Variants in LRRC37A2 observed in about 807,000 individuals in gnomAD.
LRRC37A2 encodes leucine-rich repeat-containing protein 37A2.
LRRC37A2 carries 9 observed loss-of-function variants against 68.8 expected under a neutral mutation model. The ratio of observed to expected loss-of-function variants is 0.13; its 90% CI spans 0.08 to 0.23. The LOEUF (loss-of-function observed/expected upper bound fraction) is 0.23, where lower values mean the gene tolerates loss of function less well. LRRC37A2 is among the 10% of genes least tolerant of loss of function. The pLI, the probability that LRRC37A2 is intolerant of heterozygous loss-of-function variation, is 1.00. For synonymous variants in LRRC37A2, 63 were observed against 367.6 expected (o/e 0.17, Z 9.48); for missense variants, 168 against 950.4 (o/e 0.18, Z 10.82).
chr17:46,712,885 G>T, the LRRC37A2 span, among the ~76,000 whole-genome samples: 2 of 152,122 alleles, frequency 1.3e-5, no homozygotes, highest in African/African-American at 2.4e-5. Context: ...AGAAAGAGGG[G>T]AATTATGAAT....
chr17:46,871,401 A>C, the LRRC37A2 span, among the ~76,000 whole-genome samples: 17 of 152,160 alleles, frequency 1.1e-4, no homozygotes, highest in African/African-American at 3.9e-4. Context: ...TCTAATTCCA[A>C]TTCCCACCCT....
chr17:46,967,654 G>A, the LRRC37A2 span, among the ~76,000 whole-genome samples: 1 of 152,156 alleles, frequency 6.6e-6, no homozygotes, highest in African/African-American at 2.4e-5. Context: ...ACTGGGAAAT[G>A]GGCCGGTGCA....
the LRRC37A2 span, chr17:47,033,384 A>C: frequency 1.4e-6 from 1 of 698,032 alleles, no homozygotes; most frequent in Non-Finnish European, 2.6e-6. Flanking sequence ...TCACGAACCT[A>C]TGTAGGTGAA....
chr17:46,978,418 C>T, the LRRC37A2 span: 9 of 532,322 alleles, frequency 1.7e-5, no homozygotes, highest in African/African-American at 1.6e-4. Context: ...AGAACCCTCA[C>T]CCCACATTCT....
the LRRC37A2 span, among the ~76,000 whole-genome samples, chr17:46,960,220 T>C: frequency 6.6e-6 from 1 of 152,172 alleles, no homozygotes; most frequent in Non-Finnish European, 1.5e-5. Context: ...AAAGAAGATA[T>C]ACAGATGGCA....
the LRRC37A2 span, among the ~76,000 whole-genome samples, chr17:46,914,049 G>A: frequency 2.0e-5 from 3 of 152,066 alleles, no homozygotes; most frequent in African/African-American, 4.8e-5. Context: ...GTGAGCCACC[G>A]CACCCAGCCT....
chr17:46,918,203 C>T, the LRRC37A2 span, among the ~76,000 whole-genome samples: 1 of 152,194 alleles, frequency 6.6e-6, no homozygotes, highest in South Asian at 2.1e-4. Flanking sequence ...CCTCAGCCTC[C>T]CGAGTAGCTG....
the LRRC37A2 span, chr17:46,821,123 A>C: frequency 2.0e-4 from 30 of 152,364 alleles, no homozygotes; most frequent in African/African-American, 6.7e-4. Flanking sequence ...TGCCTCCTCC[A>C]GGCAGCCTGG....
chr17:47,047,987 A>G, the LRRC37A2 span, among the ~76,000 whole-genome samples: 47 of 150,398 alleles, frequency 3.1e-4, no homozygotes, highest in Non-Finnish European at 5.9e-4. Flanking sequence ...TACCAGTGAT[A>G]TGGGGTGGAG....
the LRRC37A2 span, among the ~76,000 whole-genome samples, chr17:46,897,719 G>C: frequency 6.6e-6 from 1 of 151,958 alleles, no homozygotes. Flanking sequence ...CGAATTCCAG[G>C]GCTCAAGCAA....
At chr17:46,890,161 C>T in the LRRC37A2 span, among the ~76,000 whole-genome samples, 384 of 152,320 alleles carry the variant, frequency 2.5e-3, 3 homozygotes, top group African/African-American at 9.0e-3. Flanking sequence ...CTGTCAGTCC[C>T]CCGCTGCTCC....
chr17:47,000,909 G>A, the LRRC37A2 span, among the ~76,000 whole-genome samples: 18 of 152,224 alleles, frequency 1.2e-4, no homozygotes, highest in African/African-American at 4.3e-4. Flanking sequence ...AGGTTGAGGC[G>A]GGTGGATCAT....
the LRRC37A2 span, chr17:46,937,205 A>G: frequency 2.0e-5 from 3 of 152,168 alleles, no homozygotes; most frequent in African/African-American, 7.2e-5. Flanking sequence ...GGGTGATGCC[A>G]TCTATAGAAG....
At chr17:46,896,631 G>C in the LRRC37A2 span, among the ~76,000 whole-genome samples, 8 of 152,098 alleles carry the variant, frequency 5.3e-5, no homozygotes, top group African/African-American at 1.4e-4. Flanking sequence ...AAAAGACCAA[G>C]GTTAGCGCAC....
the LRRC37A2 span, among the ~76,000 whole-genome samples, chr17:47,023,361 T>C: frequency 6.6e-6 from 1 of 152,332 alleles, no homozygotes; most frequent in African/African-American, 2.4e-5. Flanking sequence ...TATTTCAATG[T>C]ATATAGACAA....
chr17:46,912,475 A>T, the LRRC37A2 span, among the ~76,000 whole-genome samples: 1 of 152,144 alleles, frequency 6.6e-6, no homozygotes, highest in Non-Finnish European at 1.5e-5. Flanking sequence ...GGTTTTCCTT[A>T]GACAAAACCC....
chr17:46,739,884 G>A, the LRRC37A2 span, among the ~76,000 whole-genome samples: 1 of 152,104 alleles, frequency 6.6e-6, no homozygotes. Context: ...ATTTTTAGCA[G>A]AGATGAGGTT....
At chr17:46,800,327 T>C in the LRRC37A2 span, among the ~76,000 whole-genome samples, 5 of 152,174 alleles carry the variant, frequency 3.3e-5, no homozygotes, top group Non-Finnish European at 5.9e-5. Flanking sequence ...GTCAGGCTGG[T>C]CTAGAACTCC....
intron 6 of LRRC37A2, among the ~76,000 whole-genome samples, chr17:46,534,436 A>T (rs563405893): frequency 6.7e-6 from 1 of 148,812 alleles, no homozygotes; most frequent in Non-Finnish European, 1.5e-5. Flanking sequence ...CTGTTTAACA[A>T]AGCACATCTT....
Sources: gnomAD v4.1 joint callset for allele counts (sites outside exome capture counted in the v4.1 genomes callset) on GRCh38, gnomAD v4.1.1 for gene constraint, MANE v1.5 for transcripts, NCBI Gene and HGNC (gene_info 2026-07-23, HGNC 2026-07-21) for gene names.